Variants in KCNQ1 observed in about 807,000 individuals in gnomAD.
The protein encoded by KCNQ1 is potassium voltage-gated channel subfamily Q member 1, also known as potassium voltage-gated channel subfamily KQT member 1.
A neutral mutation model predicts 72.4 loss-of-function variants in KCNQ1; 49 were observed. That is an observed-to-expected ratio of 0.68 (90% CI 0.54 to 0.86). KCNQ1 has a LOEUF of 0.86. Ranked by LOEUF, KCNQ1 falls within the 40% of genes least tolerant of loss-of-function variation. The pLI is 0.00. For synonymous variants in KCNQ1, 450 were observed against 412.6 expected, an observed-to-expected ratio of 1.09 and a Z score of -1.10; for missense variants, 790 against 945.1, an observed-to-expected ratio of 0.84 and a Z score of 2.15.
At chr11:2,799,378 G>GTGTGTGTGTA (rs1376124986) in intron 15 of KCNQ1, among the ~76,000 whole-genome samples, 9 of 146,630 alleles carry the variant, frequency 6.1e-5, no homozygotes, top group African/African-American at 2.3e-4. Flanking sequence ...AAGTTCGAGT[G>GTGTGTGTGTA]TGTGTGTGTG....
In KCNQ1 at chr11:2,550,182, C is replaced by T. The variant is rs898775409; in HGVS notation, c.478-20446C>T. On this transcript the variant is annotated intron_variant, in intron 2 of 15. Transcript: ENST00000155840. The surrounding 1 kb of genome is among the most constrained non-coding windows in gnomAD (Gnocchi z 6.0). ...GGATGGACATCCCGCAGGCAGTGCA[C>T]GTCCCTCCCCCGCCTCTCTTTGCCG... Among the ~76,000 whole-genome samples, 11 of 152,230 alleles carry T rather than the reference C, an allele frequency of 7.2e-5. No individual in the cohort carries two copies. Among genetic ancestry groups the T allele is most frequent in the Admixed American group, 1.3e-4 (2 of 15,288 alleles).
In KCNQ1 at chr11:2,617,645, T is replaced by C. The variant is rs1849089030; in HGVS notation, c.1393+28791T>C. 2.5e-6 allele frequency: 1 copy of C among 398,464 alleles called. No individual in the cohort carries two copies. The highest frequency in any genetic ancestry group is 3.6e-5 in the East Asian group (1 of 28,062). The allele number at this position is 398,464 out of a possible 1,614,324, so 24.7% of individuals were successfully genotyped here. On this transcript the variant is annotated intron_variant, in intron 10 of 15. Coordinates refer to ENST00000155840, the MANE Select transcript of KCNQ1 (RefSeq NM_000218.3). This position sits in a 1 kb window ranked among gnomAD's most constrained non-coding sequence, Gnocchi z 4.6. Reference sequence around the variant, plus strand: ...TTCTTTAGGAGCCACCATTCTGTTTTTCATTATGACTGCACCAATCTACAG... The same window carrying C: ...TTCTTTAGGAGCCACCATTCTGTTTCTCATTATGACTGCACCAATCTACAG...
intron 1 of KCNQ1, among the ~76,000 whole-genome samples, chr11:2,510,599 C>G (rs892116127): frequency 7.9e-5 from 12 of 152,226 alleles, no homozygotes; most frequent in African/African-American, 2.4e-4. Flanking sequence ...GAACCAGGCC[C>G]TTTCTCAAAG....
At position 2,735,226 on chromosome 11, in the gene KCNQ1, C is replaced by G. The variant is rs113783648; in HGVS notation, c.1515-33618C>G. 1.8e-3 allele frequency among the ~76,000 whole-genome samples: 277 copies of G among 152,266 alleles called. 3 individuals are homozygous for G. The highest frequency in any genetic ancestry group is 6.3e-3 in the African/African-American group (260 of 41,570). On this transcript the variant is annotated intron_variant, in intron 11 of 15. Transcript: ENST00000155840. This position sits in a 1 kb window ranked among gnomAD's most constrained non-coding sequence, Gnocchi z 7.7. The stretch of plus-strand genomic sequence containing the variant: ...AGGGGGCTCTCCTTGATGGTGACCC[C>G]CTATGAGACGCCACTTGCCCTGAGG...
In KCNQ1 at chr11:2,735,072, C is replaced by T. The variant is rs574969215; in HGVS notation, c.1515-33772C>T. ...TGCCAGGGAAGCCCTGCCTTGTCAT[C>T]ACCTGTGCCGTGGCTGTCAGCGCGC... On this transcript the variant is annotated intron_variant, in intron 11 of 15. Coordinates refer to ENST00000155840, the MANE Select transcript of KCNQ1 (RefSeq NM_000218.3). This position sits in a 1 kb window ranked among gnomAD's most constrained non-coding sequence, Gnocchi z 7.7. Among the ~76,000 whole-genome samples, 4 of 152,298 alleles carry T rather than the reference C, an allele frequency of 2.6e-5. No individual in the cohort carries two copies. The highest frequency in any genetic ancestry group is 4.8e-5 in the African/African-American group (2 of 41,568).
rs1850333913 is a variant in KCNQ1 at position 2,678,579 on chromosome 11, G to A, written c.1514+16498G>A. On this transcript the variant is annotated intron_variant, in intron 11 of 15. Transcript: ENST00000155840. This position sits in a 1 kb window ranked among gnomAD's most constrained non-coding sequence, Gnocchi z 4.9. ...TATTTTAATTATGTAACTTTATGATGCACTTATCTGTGTAGCAGGACTCCC... is the reference window on the plus strand; with the variant it reads ...TATTTTAATTATGTAACTTTATGATACACTTATCTGTGTAGCAGGACTCCC... 2 of 398,460 alleles carry A rather than the reference G, an allele frequency of 5.0e-6. No individual in the cohort carries two copies. The highest frequency in any genetic ancestry group is 4.4e-5 in the Admixed American group (1 of 22,712). 24.7% of individuals were successfully genotyped at this position (398,460 alleles called of 1,614,324 possible).
At chr11:2,686,235 G>A (rs1850487563) in intron 11 of KCNQ1, 4 of 398,690 alleles carry the variant, frequency 1.0e-5, no homozygotes, top group Non-Finnish European at 1.3e-5. Flanking sequence ...TTTAGGCCTT[G>A]GGATAGCACA....
At chr11:2,675,842 C>T (rs1393996938) in intron 11 of KCNQ1, 2 of 398,628 alleles carry the variant, frequency 5.0e-6, no homozygotes, top group African/African-American at 4.1e-5. Flanking sequence ...ACCGTGCATC[C>T]ACTGCCTGGC....
At position 2,787,518 on chromosome 11, in the gene KCNQ1, G is replaced by C. The variant is rs1290185868; in HGVS notation, c.1794+9481G>C. On this transcript the variant is annotated intron_variant, in intron 15 of 15. Transcript: ENST00000155840. This position sits in a 1 kb window ranked among gnomAD's most constrained non-coding sequence, Gnocchi z 6.3. ...GGTCAGCTCATCCATGCTAGCCACA[G>C]ATATCATTTTAAATTTTCTAATAGC... 6.6e-6 allele frequency among the ~76,000 whole-genome samples: 1 copy of C among 151,998 alleles called. No homozygotes were observed. The highest frequency in any genetic ancestry group is 2.4e-5 in the African/African-American group (1 of 41,386).
Position 2,715,885 on chromosome 11 carries a change from G to C in KCNQ1, c.1515-52959G>C, listed in dbSNP as rs1288051538. Among the ~76,000 whole-genome samples the C allele has an allele frequency of 6.6e-6, 1 of 152,152 alleles. No homozygotes were observed. The highest frequency in any genetic ancestry group is 1.5e-5 in the Non-Finnish European group (1 of 68,006). On this transcript the variant is annotated intron_variant, in intron 11 of 15. Transcript: ENST00000155840. This position sits in a 1 kb window ranked among gnomAD's most constrained non-coding sequence, Gnocchi z 4.9. ...GGTGGCCACACCAGCCAGAGCTTGG[G>C]TGATTGAGTGGGTAGAGGGGGTGGC...
chr11:2,788,623 T>C (rs909468843), intron 15 of KCNQ1, among the ~76,000 whole-genome samples: 3 of 143,842 alleles, frequency 2.1e-5, no homozygotes, highest in Non-Finnish European at 3.0e-5. Flanking sequence ...GGGCCGTAAA[T>C]AGGCAAAGGC....
intron 11 of KCNQ1, chr11:2,699,325 C>T (rs929406776): frequency 1.5e-5 from 6 of 399,232 alleles, no homozygotes; most frequent in Admixed American, 8.8e-5. Context: ...GCACACAGCT[C>T]ACCTCAGCAA....
rs12225767 is a variant in KCNQ1, at chr11:2,796,636, C to T, written c.1794+18599C>T. Among the ~76,000 whole-genome samples, 330 of 152,352 alleles carry T rather than the reference C, an allele frequency of 2.2e-3. 7 individuals are homozygous for T. In the East Asian group the frequency reaches 0.051, roughly 24 times the overall value. On this transcript the variant is annotated intron_variant, in intron 15 of 15. Coordinates refer to ENST00000155840, the MANE Select transcript of KCNQ1 (RefSeq NM_000218.3). ...TCCTGCCCACTCAGCCCCTCGGGGC[C>T]GTGTCTCCCTGCGTCAGAGCTGGGC...
At position 2,678,331 on chromosome 11, in the gene KCNQ1, T is replaced by A. The variant is rs1403594315; in HGVS notation, c.1514+16250T>A. On this transcript the variant is annotated intron_variant, in intron 11 of 15. Transcript: ENST00000155840. The surrounding 1 kb of genome is among the most constrained non-coding windows in gnomAD (Gnocchi z 4.9). Reference sequence around the variant, plus strand: ...ATCATTTTTTATTTCATTTTTTACATTTAAATCCTTGCTTTATCGGGATTT... The same window carrying A: ...ATCATTTTTTATTTCATTTTTTACAATTAAATCCTTGCTTTATCGGGATTT... 2.5e-6 allele frequency: 1 copy of A among 398,448 alleles called. No individual in the cohort carries two copies. The highest frequency in any genetic ancestry group is 4.4e-6 in the Non-Finnish European group (1 of 226,032). 24.7% of individuals were successfully genotyped at this position (398,448 alleles called of 1,614,324 possible).
intron 11 of KCNQ1, chr11:2,696,135 C>T: frequency 2.5e-6 from 1 of 398,518 alleles, no homozygotes; most frequent in East Asian, 3.6e-5. Context: ...CAAGTTCATA[C>T]ATTTTAGTCT....
In KCNQ1 at chr11:2,602,799, T is replaced by G. The variant is rs1007352906; in HGVS notation, c.1393+13945T>G. Among the ~76,000 whole-genome samples the G allele has an allele frequency of 6.6e-6, 1 of 152,268 alleles. No individual in the cohort carries two copies. The highest frequency in any genetic ancestry group is 2.4e-5 in the African/African-American group (1 of 41,472). On this transcript the variant is annotated intron_variant, in intron 10 of 15. Coordinates refer to ENST00000155840, the MANE Select transcript of KCNQ1 (RefSeq NM_000218.3). This position sits in a 1 kb window ranked among gnomAD's most constrained non-coding sequence, Gnocchi z 4.8. ...TTGTTAACTGTCGAGTTTTGGGAGA[T>G]GTTTATATATTCTAGATACTTATCT...
chr11:2,779,293 C>T (rs1041027342), intron 15 of KCNQ1, among the ~76,000 whole-genome samples: 11 of 152,228 alleles, frequency 7.2e-5, no homozygotes, highest in Non-Finnish European at 1.3e-4. Flanking sequence ...ACGGTGTTTC[C>T]CTGGCTTTCT....
In KCNQ1 at chr11:2,682,677, T is replaced by C. The variant is rs1397200038; in HGVS notation, c.1514+20596T>C. 2.5e-6 allele frequency: 1 copy of C among 398,474 alleles called. No individual in the cohort carries two copies. The highest frequency in any genetic ancestry group is 4.4e-6 in the Non-Finnish European group (1 of 226,072). 24.7% of individuals were successfully genotyped at this position (398,474 alleles called of 1,614,324 possible). ...GCTCATGTCCACATGCTATTGTCCATAGAAGCTGGGGTCCAAAGTTGACCA... is the reference window on the plus strand; with the variant it reads ...GCTCATGTCCACATGCTATTGTCCACAGAAGCTGGGGTCCAAAGTTGACCA... On this transcript the variant is annotated intron_variant, in intron 11 of 15. Coordinates refer to ENST00000155840, the MANE Select transcript of KCNQ1 (RefSeq NM_000218.3). This position sits in a 1 kb window ranked among gnomAD's most constrained non-coding sequence, Gnocchi z 5.8.
chr11:2,502,729 G>A (rs1198058261), intron 1 of KCNQ1, among the ~76,000 whole-genome samples: 2 of 152,126 alleles, frequency 1.3e-5, no homozygotes, highest in Non-Finnish European at 2.9e-5. Context: ...AATAGTCAAA[G>A]CTATCCTGAG....
Sources: gnomAD v4.1 joint callset for allele counts (sites outside exome capture counted in the v4.1 genomes callset) on GRCh38, gnomAD v4.1.1 for gene constraint, Gnocchi (gnomAD v3.1) non-coding constraint, MANE v1.5 for transcripts, NCBI Gene and HGNC (gene_info 2026-07-23, HGNC 2026-07-21) for gene names.